Variants in MAD1L1 observed in about 807,000 individuals in gnomAD.
The protein encoded by MAD1L1 is mitotic arrest deficient 1 like 1, also known as mitotic spindle assembly checkpoint protein MAD1.
MAD1L1 carries 95 observed loss-of-function variants against 96.9 expected under a neutral mutation model. The observed-to-expected ratio is 0.98, with a 90% CI of 0.83 to 1.16. MAD1L1 has a LOEUF of 1.16. MAD1L1 is among the 50% of genes most tolerant of loss of function. MAD1L1 has a pLI of 0.00. For missense variants in MAD1L1, 1,007 were observed against 954.4 expected (o/e 1.06, Z -0.73); for synonymous variants, 473 against 396.6 (o/e 1.19, Z -2.29).
chr7:2,005,212 G>A (rs1781979831), intron 13 of MAD1L1, among the ~76,000 whole-genome samples: 1 of 152,208 alleles, frequency 6.6e-6, no homozygotes, highest in Non-Finnish European at 1.5e-5. Flanking sequence ...GAGCCATCCA[G>A]CCATGAAGAC....
At chr7:1,946,790 G>C (rs1404617911) in intron 16 of MAD1L1, among the ~76,000 whole-genome samples, 1 of 152,356 alleles carries the variant, frequency 6.6e-6, no homozygotes, top group South Asian at 2.1e-4. Context: ...CAGACAAAGC[G>C]GTCTTGGAGG....
intron 15 of MAD1L1, among the ~76,000 whole-genome samples, chr7:1,963,114 G>A (rs930222634): frequency 6.6e-6 from 1 of 152,170 alleles, no homozygotes; most frequent in African/African-American, 2.4e-5. Flanking sequence ...GAAAGAAAAC[G>A]AAGTCGATTT....
chr7:2,040,447 C>G (rs570477227), intron 12 of MAD1L1, among the ~76,000 whole-genome samples: 74 of 152,162 alleles, frequency 4.9e-4, no homozygotes, highest in African/African-American at 1.7e-3. Context: ...TTTATTCCAT[C>G]GTATTCTCTC....
At chr7:1,952,195 G>C (rs1779528807) in intron 16 of MAD1L1, among the ~76,000 whole-genome samples, 1 of 152,208 alleles carries the variant, frequency 6.6e-6, no homozygotes, top group African/African-American at 2.4e-5. Flanking sequence ...AACATTCCTG[G>C]TTTCCCACAC....
intron 14 of MAD1L1, chr7:1,980,775 T>C (rs1275547097): frequency 6.3e-6 from 4 of 634,792 alleles, no homozygotes; most frequent in Non-Finnish European, 1.2e-5. Context: ...TAGCAACAGA[T>C]GCACAGGCTC....
At chr7:2,198,471 G>A (rs962530652) in intron 10 of MAD1L1, among the ~76,000 whole-genome samples, 1 of 152,224 alleles carries the variant, frequency 6.6e-6, no homozygotes, top group African/African-American at 2.4e-5. Flanking sequence ...TGAGACAAGG[G>A]GGAGCCAGCC....
intron 10 of MAD1L1, among the ~76,000 whole-genome samples, chr7:2,168,835 C>T (rs1364501667): frequency 1.3e-5 from 2 of 152,124 alleles, no homozygotes; most frequent in African/African-American, 2.4e-5. Flanking sequence ...CAGAGGCCAC[C>T]GGGAGGACTC....
At chr7:2,194,822 C>A (rs956133069) in intron 10 of MAD1L1, among the ~76,000 whole-genome samples, 2 of 152,042 alleles carry the variant, frequency 1.3e-5, no homozygotes, top group Admixed American at 1.3e-4. Flanking sequence ...ACTGATAATC[C>A]CAGCACTTTG....
chr7:2,060,622 T>TA (rs1224588713), intron 12 of MAD1L1, among the ~76,000 whole-genome samples: 2 of 151,492 alleles, frequency 1.3e-5, no homozygotes, highest in African/African-American at 2.4e-5. Flanking sequence ...CGTAAACAAA[T>TA]AAAAAAAGAG....
intron 16 of MAD1L1, among the ~76,000 whole-genome samples, chr7:1,939,911 C>T (rs1167240804): frequency 6.6e-6 from 1 of 152,236 alleles, no homozygotes; most frequent in African/African-American, 2.4e-5. Context: ...GGTCCCAGAG[C>T]CCAGAATGTG....
intron 14 of MAD1L1, among the ~76,000 whole-genome samples, chr7:1,982,223 A>ATC: frequency 6.6e-6 from 1 of 151,962 alleles, no homozygotes; most frequent in African/African-American, 2.4e-5. Context: ...ATAAATATAC[A>ATC]TATATATTCT....
At chr7:1,912,155 G>A (rs182031622) in intron 17 of MAD1L1, among the ~76,000 whole-genome samples, 10 of 152,308 alleles carry the variant, frequency 6.6e-5, no homozygotes, top group East Asian at 3.9e-4. Flanking sequence ...TCCAGATGGC[G>A]GCAGGGGCCC....
At chr7:2,228,253 C>T (rs901640299) in intron 3 of MAD1L1, among the ~76,000 whole-genome samples, 2 of 152,086 alleles carry the variant, frequency 1.3e-5, no homozygotes, top group African/African-American at 2.4e-5. Context: ...CCCAGACATT[C>T]GCAACACTAA....
intron 12 of MAD1L1, among the ~76,000 whole-genome samples, chr7:2,061,655 G>A (rs1784665578): frequency 6.6e-6 from 1 of 152,238 alleles, no homozygotes; most frequent in South Asian, 2.1e-4. Flanking sequence ...TGCCACACCT[G>A]GGCATGCCCA....
chr7:2,136,572 C>T (rs1312134408), intron 11 of MAD1L1, among the ~76,000 whole-genome samples: 1 of 152,204 alleles, frequency 6.6e-6, no homozygotes, highest in African/African-American at 2.4e-5. Flanking sequence ...CAACACCCTC[C>T]CTCAGACCAA....
intron 11 of MAD1L1, among the ~76,000 whole-genome samples, chr7:2,100,015 C>A (rs1320451856): frequency 2.6e-5 from 4 of 152,244 alleles, no homozygotes; most frequent in Non-Finnish European, 5.9e-5. Context: ...GAGGTCATTC[C>A]TTACACTTCG....
At chr7:2,185,994 T>G (rs1228033819) in intron 10 of MAD1L1, among the ~76,000 whole-genome samples, 1 of 152,220 alleles carries the variant, frequency 6.6e-6, no homozygotes, top group Non-Finnish European at 1.5e-5. Context: ...CACTGTCATC[T>G]GAAACATCTG....
At chr7:1,826,574 C>T (rs1472961120) in intron 18 of MAD1L1, among the ~76,000 whole-genome samples, 1 of 152,214 alleles carries the variant, frequency 6.6e-6, no homozygotes, top group Non-Finnish European at 1.5e-5. Flanking sequence ...CCCCTCTCTG[C>T]CCCACTGTCC....
chr7:1,897,206 C>A (rs2128441440), intron 18 of MAD1L1, among the ~76,000 whole-genome samples: 1 of 152,396 alleles, frequency 6.6e-6, no homozygotes, highest in South Asian at 2.1e-4. Flanking sequence ...CTGTGAGACG[C>A]TGACGGACAT....
Sources: allele counts gnomAD v4.1 joint callset (sites outside exome capture counted in the v4.1 genomes callset), GRCh38; gene constraint gnomAD v4.1.1; transcripts MANE v1.5; gene names NCBI Gene and HGNC (gene_info 2026-07-23, HGNC 2026-07-21).